Variants in PDE1A observed in about 807,000 individuals in gnomAD.
PDE1A encodes the protein dual specificity calcium/calmodulin-dependent 3',5'-cyclic nucleotide phosphodiesterase 1A.
A neutral mutation model predicts 61.7 loss-of-function variants in PDE1A; 35 were observed. The ratio of observed to expected loss-of-function variants is 0.57; its 90% confidence interval spans 0.43 to 0.75. PDE1A has a LOEUF of 0.75. Among genes scored for constraint, PDE1A ranks in the 30% least tolerant of loss-of-function variants. The pLI, the probability that PDE1A is intolerant of heterozygous loss-of-function variation, is 0.00. For synonymous variants in PDE1A, 232 were observed against 213.2 expected (o/e 1.09, Z -0.77); for missense variants, 597 against 630.6 (o/e 0.95, Z 0.57).
chr2:182,267,104 A>T (rs1692686502), intron 1 of PDE1A, among the ~76,000 whole-genome samples: 2 of 152,102 alleles, frequency 1.3e-5, no homozygotes, highest in South Asian at 4.1e-4. Flanking sequence ...ACCATGGACA[A>T]GTGCATTTCC....
At chr2:182,287,320 C>T (rs183878714) in intron 1 of PDE1A, among the ~76,000 whole-genome samples, 3 of 152,234 alleles carry the variant, frequency 2.0e-5, no homozygotes, top group African/African-American at 7.2e-5. Context: ...CACTTTCTAC[C>T]ACATCGATGT....
At chr2:182,298,648 T>C (rs1695043645) in intron 1 of PDE1A, among the ~76,000 whole-genome samples, 1 of 152,110 alleles carries the variant, frequency 6.6e-6, no homozygotes, top group Non-Finnish European at 1.5e-5. Context: ...CACAAGCTAA[T>C]CTTGCCCCAC....
In PDE1A at chr2:182,380,802, A is replaced by T. The variant is rs1050674344; in HGVS notation, c.53+45776T>A. Among the ~76,000 whole-genome samples, 52 of 152,224 alleles carry T rather than the reference A, an allele frequency of 3.4e-4. 1 individual carries two copies. Among genetic ancestry groups the T allele is most frequent in the African/African-American group, 1.3e-3 (52 of 41,452 alleles). Reference sequence around the variant, plus strand: ...TAGTGCCTAGCAGAATCCAGTTCACAAGGTAACCAGACTAATAGTTATTTA... The same window carrying T: ...TAGTGCCTAGCAGAATCCAGTTCACTAGGTAACCAGACTAATAGTTATTTA... On this transcript the variant is annotated intron_variant, in intron 1 of 13. Coordinates refer to ENST00000351439, the Ensembl canonical transcript of PDE1A.
At chr2:182,311,821 G>A (rs1695996335) in intron 1 of PDE1A, among the ~76,000 whole-genome samples, 1 of 152,038 alleles carries the variant, frequency 6.6e-6, no homozygotes, top group Non-Finnish European at 1.5e-5. Flanking sequence ...TGCATATTAG[G>A]TGTAAGTTTA....
chr2:182,257,350 T>C lies in PDE1A; in HGVS notation c.167+6951A>G, dbSNP rs909034198. 3.7e-4 allele frequency among the ~76,000 whole-genome samples: 56 copies of C among 152,230 alleles called. 1 individual carries two copies. The highest frequency in any genetic ancestry group is 1.7e-3 in the Admixed American group (26 of 15,292). ...TTGAAAGTGAAAAAACTTTGACATT[T>C]GAAAAGTCAAAAAATTGGTTTAGTC... On this transcript the variant is annotated intron_variant, in intron 2 of 13. Transcript: ENST00000351439.
chr2:182,312,846 G>A (rs754015702), intron 1 of PDE1A, among the ~76,000 whole-genome samples: 3 of 150,082 alleles, frequency 2.0e-5, no homozygotes, highest in Non-Finnish European at 4.4e-5. Context: ...AAAAAAACCT[G>A]CTGGGATTAT....
intron 2 of PDE1A, among the ~76,000 whole-genome samples, chr2:182,443,699 CCTTTTTTT>C (rs1164785762): frequency 6.8e-6 from 1 of 147,838 alleles, no homozygotes; most frequent in African/African-American, 2.5e-5. Flanking sequence ...TTTCTTTTTT[CCTTTTTTT>C]TTTTTTTTTT....
exon 14 of PDE1A, chr2:182,168,190 C>A: frequency 1.3e-6 from 2 of 1,547,646 alleles, no homozygotes; most frequent in African/African-American, 1.4e-5. Flanking sequence ...TCAAAATCTC[C>A]AAGTCTTTTG....
exon 14 of PDE1A, chr2:182,168,006 T>C (rs1414823278): frequency 1.6e-6 from 2 of 1,219,476 alleles, no homozygotes; most frequent in South Asian, 4.2e-5. Flanking sequence ...AACAGATATC[T>C]GAAAGCACAA....
intron 1 of PDE1A, among the ~76,000 whole-genome samples, chr2:182,332,270 T>G (rs1034986654): frequency 2.0e-5 from 3 of 152,200 alleles, no homozygotes; most frequent in Admixed American, 6.5e-5. Context: ...TTCAAGGTTC[T>G]TAGCTTTCTT....
chr2:182,256,096 T>C (rs1229891998), intron 2 of PDE1A, among the ~76,000 whole-genome samples: 2 of 150,160 alleles, frequency 1.3e-5, no homozygotes, highest in Non-Finnish European at 3.0e-5. Context: ...TCTTTTTTTT[T>C]TATTATACTT....
chr2:182,555,248 T>C, the PDE1A span, among the ~76,000 whole-genome samples: 5 of 152,238 alleles, frequency 3.3e-5, no homozygotes, highest in Admixed American at 2.0e-4. Context: ...TCACAACAGC[T>C]TTCCATGCTA....
intron 10 of PDE1A, 40 bp from the exon 11 acceptor site, chr2:182,189,100 A>G: frequency 7.3e-7 from 1 of 1,366,536 alleles, no homozygotes. Context: ...CTTGGGTTGG[A>G]GAAGCTAAAA....
chr2:182,572,650 C>A, the PDE1A span, among the ~76,000 whole-genome samples: 13 of 152,136 alleles, frequency 8.5e-5, no homozygotes, highest in Admixed American at 2.6e-4. Context: ...GCGGGCGGAT[C>A]ACGAGGTCAG....
At chr2:182,605,552 C>T in the PDE1A span, among the ~76,000 whole-genome samples, 2 of 152,172 alleles carry the variant, frequency 1.3e-5, no homozygotes, top group African/African-American at 4.8e-5. Context: ...TCGTGAAATA[C>T]GGGTAAGAAA....
downstream of PDE1A, among the ~76,000 whole-genome samples, chr2:182,167,424 T>A (rs190793482): frequency 2.1e-3 from 316 of 152,228 alleles, no homozygotes; most frequent in Non-Finnish European, 3.7e-3. Flanking sequence ...AAATTCCTCC[T>A]CATTTTAATG....
At chr2:182,275,997 G>T (rs1693382275) in intron 1 of PDE1A, among the ~76,000 whole-genome samples, 1 of 152,104 alleles carries the variant, frequency 6.6e-6, no homozygotes, top group East Asian at 1.9e-4. Context: ...TCAACATATA[G>T]GATAATAAAT....
At chr2:182,700,636 C>T in the PDE1A span, among the ~76,000 whole-genome samples, 5 of 139,572 alleles carry the variant, frequency 3.6e-5, no homozygotes, top group Admixed American at 2.9e-4. Flanking sequence ...GCAGGAGAAT[C>T]GCTTTAATGC....
intron 2 of PDE1A, among the ~76,000 whole-genome samples, chr2:182,464,435 G>T (rs572635065): frequency 6.6e-6 from 1 of 152,046 alleles, no homozygotes; most frequent in Admixed American, 6.6e-5. Context: ...AATATTAGGG[G>T]TAAGGAGAAT....
Sources: gnomAD v4.1 joint callset for allele counts (sites outside exome capture counted in the v4.1 genomes callset) on GRCh38, gnomAD v4.1.1 for gene constraint, MANE v1.5 for transcripts, NCBI Gene and HGNC (gene_info 2026-07-23, HGNC 2026-07-21) for gene names.